C1GALT1: variants seen among roughly 807,000 people sequenced by gnomAD.
C1GALT1 encodes the protein core 1 synthase, glycoprotein-N-acetylgalactosamine 3-beta-galactosyltransferase 1.
C1GALT1 carries 11 observed loss-of-function variants against 31.0 expected under a neutral mutation model. The ratio of observed to expected loss-of-function variants is 0.36; its 90% CI spans 0.22 to 0.59. The LOEUF is 0.59. Ranked by LOEUF, C1GALT1 falls within the 20% of genes least tolerant of loss-of-function variation. C1GALT1 has a pLI of 0.79. For synonymous variants in C1GALT1, 175 were observed against 143.6 expected, an observed-to-expected ratio of 1.22 and a Z score of -1.56; for missense variants, 424 against 425.2, an observed-to-expected ratio of 1.00 and a Z score of 0.03.
chr7:7,228,038 G>A (rs891064994), intron 1 of C1GALT1, among the ~76,000 whole-genome samples: 1 of 152,184 alleles, frequency 6.6e-6, no homozygotes, highest in African/African-American at 2.4e-5. Context: ...GACTCTCTGT[G>A]TCTGAATTCA....
intron 2 of C1GALT1, among the ~76,000 whole-genome samples, chr7:7,172,872 G>A (rs1217842370): frequency 6.6e-6 from 1 of 152,132 alleles, no homozygotes; most frequent in Non-Finnish European, 1.5e-5. Context: ...CATTCTGTAA[G>A]TTTTGACCAA....
chr7:7,182,899 G>T, intron 1 of C1GALT1, 79 bp downstream of exon 1: 1 of 954,838 alleles, frequency 1.0e-6, no homozygotes, highest in Non-Finnish European at 1.2e-6. Context: ...CCGGGTTGGT[G>T]GGGAAGCGTG....
chr7:7,178,462 TA>T (rs1278639955), upstream of C1GALT1: 1 of 159,680 alleles, frequency 6.3e-6, no homozygotes, highest in Non-Finnish European at 1.4e-5. Context: ...AGACATGGTT[TA>T]ATTTTGTGTT....
At chr7:7,171,171 G>A (rs1780450275) in intron 2 of C1GALT1, among the ~76,000 whole-genome samples, 2 of 152,050 alleles carry the variant, frequency 1.3e-5, no homozygotes, top group African/African-American at 4.8e-5. Flanking sequence ...CTTCTGTCTA[G>A]ATATTCTATT....
chr7:7,248,466 G>A lies in C1GALT1; in HGVS notation c.*4739G>A, dbSNP rs1783934233. On this transcript the variant is annotated 3_prime_UTR_variant, in exon 4 of 4. Coordinates refer to ENST00000436587, the MANE Select transcript of C1GALT1 (RefSeq NM_020156.5). ...AAATTATTTAAGGTAATGGTGTTAC[G>A]AATGGTTTAAAAATGTCTGGTGACT... 6.6e-6 allele frequency: 1 copy of A among 151,982 alleles called. No homozygotes were observed. The highest frequency in any genetic ancestry group is 2.1e-4 in the South Asian group (1 of 4,830). The allele number at this position is 151,982 out of a possible 1,614,324, so 9.4% of individuals were successfully genotyped here.
At chr7:7,205,518 G>C (rs1781702826) in intron 1 of C1GALT1, among the ~76,000 whole-genome samples, 1 of 152,196 alleles carries the variant, frequency 6.6e-6, no homozygotes, top group East Asian at 1.9e-4. Context: ...GAAAAGGAAG[G>C]ATTGGTCTTG....
At chr7:7,231,914 A>T (rs1473839218) in intron 1 of C1GALT1, among the ~76,000 whole-genome samples, 1 of 152,182 alleles carries the variant, frequency 6.6e-6, no homozygotes, top group African/African-American at 2.4e-5. Context: ...TCTAACGTAG[A>T]CTTCAGCCGT....
intron 1 of C1GALT1, among the ~76,000 whole-genome samples, chr7:7,193,189 A>G (rs938098720): frequency 2.0e-5 from 3 of 151,856 alleles, no homozygotes; most frequent in African/African-American, 7.3e-5. Flanking sequence ...TTTTTGTTGA[A>G]TTTGTTTTTG....
At chr7:7,235,009 G>A (rs1351037661) in intron 2 of C1GALT1, 1 of 153,088 alleles carries the variant, frequency 6.5e-6, no homozygotes, top group Non-Finnish European at 1.5e-5. Context: ...AAAAACCAAG[G>A]ATGCGTTCTA....
At chr7:7,170,645 T>C (rs984191322) in intron 2 of C1GALT1, among the ~76,000 whole-genome samples, 6 of 152,072 alleles carry the variant, frequency 3.9e-5, no homozygotes, top group Admixed American at 3.3e-4. Flanking sequence ...TAGCCAGGCA[T>C]GGTGGCAGGC....
At chr7:7,216,953 A>C (rs191561113) in intron 1 of C1GALT1, among the ~76,000 whole-genome samples, 1 of 150,050 alleles carries the variant, frequency 6.7e-6, no homozygotes, top group African/African-American at 2.5e-5. Flanking sequence ...TCTTTTTCCT[A>C]AACTGTAAGT....
intron 1 of C1GALT1, among the ~76,000 whole-genome samples, chr7:7,230,622 CTTT>C (rs57276821): frequency 0.04 from 4,846 of 121,462 alleles, 275 homozygotes; most frequent in African/African-American, 0.14. Flanking sequence ...TCTATATTCC[CTTT>C]TTTTTTTTTT....
At chr7:7,217,347 G>GA (rs1161431721) in intron 1 of C1GALT1, among the ~76,000 whole-genome samples, 1 of 151,698 alleles carries the variant, frequency 6.6e-6, no homozygotes, top group Non-Finnish European at 1.5e-5. Flanking sequence ...CTGAGAGAGG[G>GA]AATTCCCCTA....
intron 3 of C1GALT1, among the ~76,000 whole-genome samples, chr7:7,242,382 T>G (rs923627738): frequency 1.3e-5 from 2 of 151,984 alleles, no homozygotes; most frequent in Non-Finnish European, 2.9e-5. Context: ...AATCTACATA[T>G]CCAGTGTGTG....
chr7:7,199,479 A>G (rs868266209), intron 1 of C1GALT1, among the ~76,000 whole-genome samples: 8 of 152,188 alleles, frequency 5.3e-5, no homozygotes, highest in Non-Finnish European at 8.8e-5. Context: ...GTTTTGGAAT[A>G]AGTGTGATGT....
upstream of C1GALT1, among the ~76,000 whole-genome samples, chr7:7,180,155 AAGAGAAACAACAATACTG>A (rs1780554170): frequency 6.6e-6 from 1 of 152,246 alleles, no homozygotes; most frequent in South Asian, 2.1e-4. Flanking sequence ...CACTAGACAC[AAGAGAAACAACAATACTG>A]AGGTTTATGT....
chr7:7,228,748 T>TATGACAGG (rs1214997481), intron 1 of C1GALT1, among the ~76,000 whole-genome samples: 1 of 151,768 alleles, frequency 6.6e-6, no homozygotes, highest in African/African-American at 2.4e-5. Context: ...AGTAAGAGAG[T>TATGACAGG]ATGACAGGCA....
intron 1 of C1GALT1, among the ~76,000 whole-genome samples, chr7:7,194,006 ATT>A (rs999517625): frequency 4.6e-5 from 7 of 151,902 alleles, no homozygotes; most frequent in Non-Finnish European, 1.0e-4. Flanking sequence ...AATGCCACCG[ATT>A]TGTGTACATT....
At chr7:7,171,548 T>C (rs1780454581) in intron 2 of C1GALT1, among the ~76,000 whole-genome samples, 1 of 152,154 alleles carries the variant, frequency 6.6e-6, no homozygotes, top group African/African-American at 2.4e-5. Flanking sequence ...TGCCCATCTC[T>C]GCCTTTGAGT....
Sources: gnomAD v4.1 joint callset for allele counts (sites outside exome capture counted in the v4.1 genomes callset) on GRCh38, gnomAD v4.1.1 for gene constraint, MANE v1.5 for transcripts, NCBI Gene and HGNC (gene_info 2026-07-23, HGNC 2026-07-21) for gene names.